The following DPEP3 variants were observed in gnomAD, a reference collection of about 807,000 sequenced individuals.
The protein encoded by DPEP3 is dipeptidase 3.
A neutral mutation model predicts 47.5 loss-of-function variants in DPEP3; 42 were observed. That is an observed-to-expected ratio of 0.88 (90% CI 0.69 to 1.14). DPEP3 has a LOEUF of 1.14. Ranked by LOEUF, DPEP3 falls within the 50% of genes most tolerant of loss-of-function variation. The pLI is 0.00. For synonymous variants in DPEP3, 276 were observed against 270.2 expected, an observed-to-expected ratio of 1.02 and a Z score of -0.21; for missense variants, 560 against 635.0, an observed-to-expected ratio of 0.88 and a Z score of 1.27.
intron 6 of DPEP3, 70 bp from the exon 7 acceptor site, chr16:67,977,424 C>T: frequency 1.4e-6 from 2 of 1,475,234 alleles, no homozygotes; most frequent in African/African-American, 1.4e-5. Flanking sequence ...CTGTGGGGGC[C>T]CTGGTAGGAC....
intron 2 of DPEP3, among the ~76,000 whole-genome samples, chr16:67,979,068 G>C (rs1317786892): frequency 1.3e-5 from 2 of 152,180 alleles, no homozygotes; most frequent in African/African-American, 4.8e-5. Flanking sequence ...ACTGTGGGAG[G>C]CCGAGGAGGG....
chr16:67,976,306 T>G, intron 8 of DPEP3, 78 bp from the exon 9 acceptor site: 1 of 1,577,142 alleles, frequency 6.3e-7, no homozygotes, highest in Non-Finnish European at 8.6e-7. Context: ...CCAGCCCTAG[T>G]CACACAGGGG....
rs2031189114 is a variant in DPEP3, at chr16:67,976,100, A to C, written c.1223T>G (p.Val408Gly). 1 of 1,613,872 alleles carries C rather than the reference A, an allele frequency of 6.2e-7. No homozygotes were observed. The highest frequency in any genetic ancestry group is 1.3e-5 in the African/African-American group (1 of 74,846). Residue 408 changes from valine (V) to glycine (G), a missense_variant, in exon 9 of 10, where the codon GTG becomes GGG. By Grantham distance (109) the Val-to-Gly change is moderately radical. Coordinates refer to ENST00000268793, the MANE Select transcript of DPEP3 (RefSeq NM_001370198.1). ...TCCACCAGCCCAGCTTACCTTTTCCACTTGTCTGAAGACCCGCAGCAGGTT... is the reference window on the plus strand; with the variant it reads ...TCCACCAGCCCAGCTTACCTTTTCCCCTTGTCTGAAGACCCGCAGCAGGTT... ...RGNLLRVFRQVEKVREESRAQ... is the reference protein window; with the variant it reads ...RGNLLRVFRQGEKVREESRAQ...
intron 1 of DPEP3, 38 bp from the exon 2 acceptor site, chr16:67,979,803 G>T: frequency 1.9e-6 from 3 of 1,610,816 alleles, no homozygotes; most frequent in Non-Finnish European, 2.5e-6. Flanking sequence ...ACCGCCTCCA[G>T]ATCAGTCAGG....
Position 67,980,392 on chromosome 16 carries a change from G to T in DPEP3, c.-12C>A, listed in dbSNP as rs1407223940. ...CCCGTGGGCTGCATGTTGCGCGGGG[G>T]TCGGCCGCGGGAGCCTGGGAGGAGC... On this transcript the variant is annotated 5_prime_UTR_variant, in exon 1 of 10. Coordinates refer to ENST00000268793, the MANE Select transcript of DPEP3 (RefSeq NM_001370198.1). The T allele has an allele frequency of 6.0e-6, 9 of 1,510,848 alleles. No individual in the cohort carries two copies. The highest frequency in any genetic ancestry group is 7.1e-6 in the Non-Finnish European group (8 of 1,129,780). 93.6% of individuals were successfully genotyped at this position (1,510,848 alleles called of 1,614,324 possible).
At position 67,978,483 on chromosome 16, in the gene DPEP3, A is replaced by G. The variant is rs370689201; in HGVS notation, c.544+14T>C. 1.9e-6 allele frequency: 3 copies of G among 1,613,852 alleles called. No individual in the cohort carries two copies. Among genetic ancestry groups the G allele is most frequent in the Non-Finnish European group, 2.5e-6 (3 of 1,179,860 alleles). On this transcript the variant is annotated intron_variant, in intron 3 of 9. Coordinates refer to ENST00000268793, the MANE Select transcript of DPEP3 (RefSeq NM_001370198.1). This position sits in a 1 kb window ranked among gnomAD's most constrained non-coding sequence, Gnocchi z 4.4. ...CAGAGTGACATCCTGACTACCTCTCATCTGCTGGCCCACCTTCAGCTGAGG... is the reference window on the plus strand; with the variant it reads ...CAGAGTGACATCCTGACTACCTCTCGTCTGCTGGCCCACCTTCAGCTGAGG...
At position 67,978,724 on chromosome 16, in the gene DPEP3, CA is replaced by C. The variant is rs1204453752; in HGVS notation, c.415-99del. 1 of 1,482,176 alleles carries C rather than the reference CA, an allele frequency of 6.7e-7. No individual in the cohort carries two copies. The highest frequency in any genetic ancestry group is 9.2e-7 in the Non-Finnish European group (1 of 1,088,906). 91.8% of individuals were successfully genotyped at this position (1,482,176 alleles called of 1,614,324 possible). A position where few individuals can be genotyped will look rare whatever the true frequency, so the allele number is the denominator to read the frequency against. ...CAGACCCCATAACACCCATTTGGGT[CA>C]GTGGCCCCAAGTGAGGCACTACATG... On this transcript the variant is annotated intron_variant, in intron 2 of 9. Transcript: ENST00000268793. This position sits in a 1 kb window ranked among gnomAD's most constrained non-coding sequence, Gnocchi z 4.4.
At position 67,976,113 on chromosome 16, in the gene DPEP3, C is replaced by T. The variant is rs369114050; in HGVS notation, c.1210G>A (p.Val404Ile). 22 of 1,614,082 alleles carry T rather than the reference C, an allele frequency of 1.4e-5. 1 individual carries two copies. In the South Asian group the frequency reaches 2.2e-4, roughly 16 times the overall value. The part of the protein sequence containing the change: ...QGVLRGNLLR[V>I]FRQVEKVREE... ...CTTACCTTTTCCACTTGTCTGAAGA[C>T]CCGCAGCAGGTTTCCACGAAGGACA... Residue 404 changes from valine to isoleucine, a missense_variant, in exon 9 of 10, where the codon GTC becomes ATC. By Grantham distance (29) the Val-to-Ile change is conservative. Transcript: ENST00000268793.
In DPEP3 at chr16:67,976,209, C is replaced by T; in HGVS notation, c.1114G>A (p.Asp372Asn). The T allele has an allele frequency of 1.2e-6, 2 of 1,614,202 alleles. No individual in the cohort carries two copies. The highest frequency in any genetic ancestry group is 1.7e-6 in the Non-Finnish European group (2 of 1,180,030). The part of the protein sequence containing the change: ...GTGRFPQGLE[D>N]VSTYPVLIEE... ...ATCAGGACTGGGTATGTGGACACAT[C>T]CTCCAGCCCCTGAGGGAACCTGTGT... Residue 372 changes from aspartate to asparagine, a missense_variant, in exon 9 of 10, where the codon GAT becomes AAT. By Grantham distance (23) the Asp-to-Asn change is conservative. Transcript: ENST00000268793.
In DPEP3 at chr16:67,976,729, C is replaced by A; in HGVS notation, c.1065G>T (p.Gly355=). ...IRAVIGSEFI[G]IGGNYDGTGR... ...CAGTCCCGTCATAATTTCCACCAAT[C>A]CCGATGAACTCAGATCCAATGACTG... Residue 355 remains glycine (G), a synonymous_variant, in exon 8 of 10, where the codon GGG becomes GGT. Transcript: ENST00000268793. 1 of 1,614,164 alleles carries A rather than the reference C, an allele frequency of 6.2e-7. No individual in the cohort carries two copies. The highest frequency in any genetic ancestry group is 8.5e-7 in the Non-Finnish European group (1 of 1,180,006).
At position 67,980,416 on chromosome 16, in the gene DPEP3, G is replaced by A. The variant is rs2151351191; in HGVS notation, c.-36C>T. 6.7e-7 allele frequency: 1 copy of A among 1,493,356 alleles called. No homozygotes were observed. The highest frequency in any genetic ancestry group is 1.3e-5 in the South Asian group (1 of 74,882). 92.5% of individuals were successfully genotyped at this position (1,493,356 alleles called of 1,614,324 possible). The stretch of plus-strand genomic sequence containing the variant: ...GGTCGGCCGCGGGAGCCTGGGAGGA[G>A]CAGGCGATGGGCAGAGGCCGACAAT... On this transcript the variant is annotated 5_prime_UTR_variant, in exon 1 of 10. Coordinates refer to ENST00000268793, the MANE Select transcript of DPEP3 (RefSeq NM_001370198.1).
rs2031205894 is a variant in DPEP3 at position 67,976,771 on chromosome 16, G to A, written c.1023C>T (p.His341=). ...LLANVSTVAD[H]FDHIRAVIGS... ...CAATGACTGCCCTGATGTGGTCAAA[G>A]TGATCTAGGGTGGAGGTGAGGGTGG... Residue 341 remains histidine (H), a synonymous_variant, in exon 8 of 10, where the codon CAC becomes CAT. Transcript: ENST00000268793. 6.2e-7 allele frequency: 1 copy of A among 1,613,832 alleles called. No homozygotes were observed. The highest frequency in any genetic ancestry group is 1.7e-5 in the Admixed American group (1 of 59,972).
Position 67,977,362 on chromosome 16 carries a change from GA to G in DPEP3, c.934-9del. The G allele has an allele frequency of 6.2e-7, 1 of 1,613,120 alleles. No individual in the cohort carries two copies. The highest frequency in any genetic ancestry group is 8.5e-7 in the Non-Finnish European group (1 of 1,179,384). On this transcript the variant is annotated splice_polypyrimidine_tract_variant and intron_variant, in intron 6 of 9. Transcript: ENST00000268793. ...GATGCCACCGTTCTTCTTCTAGAGG[GA>G]TAAAGGGATACTCATCTCAGCCCTT... is the stretch of plus-strand genomic sequence containing the variant.
intron 7 of DPEP3, 149 bp downstream of exon 7, chr16:67,977,121 G>T (rs1452526484): frequency 1.8e-5 from 12 of 678,324 alleles, no homozygotes; most frequent in Non-Finnish European, 2.3e-5. Flanking sequence ...TCCAGATCTG[G>T]GTGGCACTGA....
At chr16:67,979,392 G>T (rs554311287) in intron 2 of DPEP3, among the ~76,000 whole-genome samples, 1 of 152,242 alleles carries the variant, frequency 6.6e-6, no homozygotes, top group East Asian at 1.9e-4. Context: ...TATGTCCTTT[G>T]TGGTTACGGC....
rs746040090 is a variant in DPEP3, at chr16:67,978,441, C to T, written c.545-33G>A. Reference sequence around the variant, plus strand: ...GAGGTAGAGAGTCAAGTGGTTAGATCCCAGGAACAGAACCTCCAGAGTGAC... The same window carrying T: ...GAGGTAGAGAGTCAAGTGGTTAGATTCCAGGAACAGAACCTCCAGAGTGAC... On this transcript the variant is annotated intron_variant, in intron 3 of 9. Transcript: ENST00000268793. The surrounding 1 kb of genome is among the most constrained non-coding windows in gnomAD (Gnocchi z 4.4). 2 of 1,614,002 alleles carry T rather than the reference C, an allele frequency of 1.2e-6. No individual in the cohort carries two copies. The highest frequency in any genetic ancestry group is 1.7e-6 in the Non-Finnish European group (2 of 1,179,880).
Position 67,978,684 on chromosome 16 carries a change from C to T in DPEP3, c.415-58G>A. Reference sequence around the variant, plus strand: ...CAGGGCGGTCTTCAACCCCCTAGGCCTGCCACTCCTGCCTCAGACCCCATA... The same window carrying T: ...CAGGGCGGTCTTCAACCCCCTAGGCTTGCCACTCCTGCCTCAGACCCCATA... On this transcript the variant is annotated intron_variant, in intron 2 of 9. Transcript: ENST00000268793. This position sits in a 1 kb window ranked among gnomAD's most constrained non-coding sequence, Gnocchi z 4.4. 1.9e-6 allele frequency: 3 copies of T among 1,593,704 alleles called. No individual in the cohort carries two copies. In the South Asian group the frequency reaches 3.4e-5, roughly 18 times the overall value.
Position 67,979,656 on chromosome 16 carries a change from C to G in DPEP3, c.397G>C (p.Gly133Arg). The change falls in exon 2 of 10, where the codon GGC becomes CGC. Residue 133 changes from glycine (G) to arginine (R), a missense_variant. Physicochemically the swap from Gly to Arg is moderately radical, Grantham distance 125. Coordinates refer to ENST00000268793, the MANE Select transcript of DPEP3 (RefSeq NM_001370198.1). Reference protein sequence around the residue: ...GQTSLDRLRDGLVGAQFWSAS... With the variant: ...GQTSLDRLRDRLVGAQFWSAS... ...TGTGGTACCTGGGCACCCACGAGGCCGTCTCTAAGCCTGTCCAGGCTGGTC... is the reference window on the plus strand; with the variant it reads ...TGTGGTACCTGGGCACCCACGAGGCGGTCTCTAAGCCTGTCCAGGCTGGTC... 6.2e-7 allele frequency: 1 copy of G among 1,614,002 alleles called. No homozygotes were observed. The highest frequency in any genetic ancestry group is 8.5e-7 in the Non-Finnish European group (1 of 1,179,982).
At position 67,976,000 on chromosome 16, in the gene DPEP3, A is replaced by G. The variant is rs1598242476; in HGVS notation, c.1232T>C (p.Val411Ala). ...LLRVFRQVEK[V>A]REESRAQSPV... ...GCTCTGCGCCCTGCTCTCCTCTCTCACCTGGGGGAGGAAGTCCGCAGTCAG... is the reference window on the plus strand; with the variant it reads ...GCTCTGCGCCCTGCTCTCCTCTCTCGCCTGGGGGAGGAAGTCCGCAGTCAG... Residue 411 changes from valine to alanine, a missense_variant and splice_region_variant, in exon 10 of 10, where the codon GTG (valine) becomes GCG (alanine). Val to Ala is a moderately conservative substitution (Grantham distance 64). Coordinates refer to ENST00000268793, the MANE Select transcript of DPEP3 (RefSeq NM_001370198.1). 1.9e-6 allele frequency: 3 copies of G among 1,613,620 alleles called. No individual in the cohort carries two copies. The East Asian group carries it at 6.7e-5, about 36-fold the overall frequency.
Sources: gnomAD v4.1 joint callset for allele counts (sites outside exome capture counted in the v4.1 genomes callset) on GRCh38, gnomAD v4.1.1 for gene constraint, Gnocchi (gnomAD v3.1) non-coding constraint, MANE v1.5 for transcripts, NCBI Gene and HGNC (gene_info 2026-07-23, HGNC 2026-07-21) for gene names.